The following FANCC variants were observed in gnomAD, a reference collection of about 807,000 sequenced individuals.
FANCC encodes FA complementation group C.
FANCC carries 55 observed loss-of-function variants against 71.3 expected under a neutral mutation model. The observed-to-expected ratio is 0.77, with a 90% CI of 0.62 to 0.97. FANCC has a LOEUF of 0.97. FANCC is among the 50% of genes least tolerant of loss of function. The pLI is 0.00. For missense variants in FANCC, 678 were observed against 670.9 expected (o/e 1.01, Z -0.12); for synonymous variants, 275 against 244.9 (o/e 1.12, Z -1.15).
At chr9:95,265,231 A>T (rs935231642) in intron 1 of FANCC, among the ~76,000 whole-genome samples, 1 of 152,148 alleles carries the variant, frequency 6.6e-6, no homozygotes, top group African/African-American at 2.4e-5. Flanking sequence ...GGGCCTAAGG[A>T]ATTGGAGGAG....
At chr9:95,264,341 G>A (rs1832256000) in intron 1 of FANCC, among the ~76,000 whole-genome samples, 1 of 152,194 alleles carries the variant, frequency 6.6e-6, no homozygotes, top group African/African-American at 2.4e-5. Flanking sequence ...CAACAAGGCT[G>A]TTGTAGAAGA....
intron 4 of FANCC, among the ~76,000 whole-genome samples, chr9:95,206,516 T>C (rs1254415738): frequency 2.0e-5 from 3 of 152,218 alleles, no homozygotes; most frequent in Admixed American, 6.5e-5. Context: ...TGTGCACAAA[T>C]GGCTAAAAAA....
intron 13 of FANCC, chr9:95,109,736 C>G (rs1370536757): frequency 6.6e-6 from 1 of 152,226 alleles, no homozygotes; most frequent in African/African-American, 2.4e-5. Flanking sequence ...GGATACGCCA[C>G]CAGCTGATTT....
At chr9:95,312,498 G>A (rs186775489) in intron 1 of FANCC, among the ~76,000 whole-genome samples, 1 of 152,278 alleles carries the variant, frequency 6.6e-6, no homozygotes, top group African/African-American at 2.4e-5. Flanking sequence ...TAGTAGGTGG[G>A]ACACACACCA....
chr9:95,141,672 TC>T (rs1828714855), intron 7 of FANCC, among the ~76,000 whole-genome samples: 1 of 152,190 alleles, frequency 6.6e-6, no homozygotes, highest in African/African-American at 2.4e-5. Flanking sequence ...CAAGAGTAAT[TC>T]TAGTTAGGCT....
At chr9:95,278,399 A>T (rs77754372) in intron 1 of FANCC, among the ~76,000 whole-genome samples, 4 of 152,234 alleles carry the variant, frequency 2.6e-5, no homozygotes, top group Non-Finnish European at 2.9e-5. Flanking sequence ...ATGTGATACC[A>T]TAACTACTGA....
At chr9:95,170,676 G>GTGTGTGTA (rs1825612571) in intron 6 of FANCC, among the ~76,000 whole-genome samples, 1 of 150,884 alleles carries the variant, frequency 6.6e-6, no homozygotes, top group African/African-American at 2.4e-5. Flanking sequence ...GTGTGTGTGT[G>GTGTGTGTA]TGTTGGGAGC....
intron 4 of FANCC, among the ~76,000 whole-genome samples, chr9:95,173,246 TAC>T (rs2135595710): frequency 6.6e-6 from 1 of 152,222 alleles, no homozygotes; most frequent in East Asian, 1.9e-4. Context: ...GGGTCTTCCA[TAC>T]AGAGTGCAGT....
chr9:95,227,362 G>A (rs1366756184), intron 4 of FANCC, among the ~76,000 whole-genome samples: 1 of 152,150 alleles, frequency 6.6e-6, no homozygotes, highest in Non-Finnish European at 1.5e-5. Flanking sequence ...CCAGTGCCTG[G>A]TGGATTTATC....
At chr9:95,271,762 A>C (rs534062673) in intron 1 of FANCC, among the ~76,000 whole-genome samples, 29 of 151,826 alleles carry the variant, frequency 1.9e-4, no homozygotes, top group Non-Finnish European at 4.0e-4. Context: ...AATATACCAA[A>C]GGTTTCCACA....
At chr9:95,215,008 C>CA (rs1828768347) in intron 4 of FANCC, among the ~76,000 whole-genome samples, 1 of 151,676 alleles carries the variant, frequency 6.6e-6, no homozygotes, top group African/African-American at 2.4e-5. Flanking sequence ...CATTTTACCA[C>CA]AAAAATATAT....
chr9:95,158,498 A>C (rs1397397890), intron 6 of FANCC, among the ~76,000 whole-genome samples: 1 of 152,242 alleles, frequency 6.6e-6, no homozygotes, highest in Admixed American at 6.5e-5. Flanking sequence ...CTGTTCACAC[A>C]TAATAGATCA....
At chr9:95,251,641 T>G (rs966598290) in intron 1 of FANCC, among the ~76,000 whole-genome samples, 3 of 151,954 alleles carry the variant, frequency 2.0e-5, no homozygotes, top group African/African-American at 7.2e-5. Flanking sequence ...AAAAGGTAAT[T>G]CCCCACCAAA....
At chr9:95,230,307 G>A (rs1829924665) in intron 4 of FANCC, among the ~76,000 whole-genome samples, 1 of 152,184 alleles carries the variant, frequency 6.6e-6, no homozygotes, top group Admixed American at 6.5e-5. Flanking sequence ...ATACCAGTGA[G>A]TGGTTTCGAG....
intron 1 of FANCC, among the ~76,000 whole-genome samples, chr9:95,278,739 AGG>A (rs1266571114): frequency 2.0e-5 from 3 of 151,758 alleles, no homozygotes; most frequent in Admixed American, 2.0e-4. Flanking sequence ...TCATATGTAT[AGG>A]ACATAAGTCA....
chr9:95,312,949 C>T (rs993420073), intron 1 of FANCC, among the ~76,000 whole-genome samples: 3 of 152,132 alleles, frequency 2.0e-5, no homozygotes, highest in African/African-American at 7.2e-5. Context: ...TCCTCTAGGG[C>T]GCCAGGAAAA....
At chr9:95,155,759 C>T (rs1830433085) in intron 6 of FANCC, among the ~76,000 whole-genome samples, 1 of 152,058 alleles carries the variant, frequency 6.6e-6, no homozygotes, top group African/African-American at 2.4e-5. Flanking sequence ...GCTCTGTCAC[C>T]CAGGCTAGAG....
chr9:95,141,483 T>C (rs1001777458), intron 7 of FANCC, among the ~76,000 whole-genome samples: 1 of 152,160 alleles, frequency 6.6e-6, no homozygotes, highest in African/African-American at 2.4e-5. Flanking sequence ...CCTATATGAT[T>C]TGACAACATT....
chr9:95,235,877 A>C, intron 4 of FANCC, among the ~76,000 whole-genome samples: 1 of 149,210 alleles, frequency 6.7e-6, no homozygotes, highest in African/African-American at 2.5e-5. Flanking sequence ...AAAAGCAACA[A>C]GGGGCACATG....
Sources: allele counts gnomAD v4.1 joint callset (sites outside exome capture counted in the v4.1 genomes callset), GRCh38; gene constraint gnomAD v4.1.1; transcripts MANE v1.5; gene names NCBI Gene and HGNC (gene_info 2026-07-23, HGNC 2026-07-21).